The following FN1 variants were observed in gnomAD, a reference collection of about 807,000 sequenced individuals.
FN1 encodes the protein fibronectin 1, also known as fibronectin.
A neutral mutation model predicts 297.3 loss-of-function variants in FN1; 106 were observed. The ratio of observed to expected loss-of-function variants is 0.36; its 90% CI spans 0.30 to 0.42. FN1 has a LOEUF of 0.42. Among genes scored for constraint, FN1 ranks in the 10% least tolerant of loss-of-function variants. The pLI is 1.00. For synonymous variants in FN1, 1,149 were observed against 1,152.6 expected, an observed-to-expected ratio of 1.00 and a Z score of 0.06; for missense variants, 2,690 against 3,124.9, an observed-to-expected ratio of 0.86 and a Z score of 3.32.
Position 215,372,199 on chromosome 2 carries a change from T to C in FN1, c.6424A>G (p.Ile2142Val). 1 of 1,614,176 alleles carries C rather than the reference T, an allele frequency of 6.2e-7. No homozygotes were observed. The highest frequency in any genetic ancestry group is 1.1e-5 in the South Asian group (1 of 91,076). ...GQQPSVGQQM[I>V]FEEHGFRRTT... ...CGCCTAAAACCATGTTCCTCAAAGA[T>C]CATTTGTTGCCCAACACTGGGTTGC... Residue 2142 changes from isoleucine (I) to valine (V), a missense_variant, in exon 40 of 46, where the codon ATC (isoleucine) becomes GTC (valine). This residue lies in a region of FN1 where 1,743 missense variants were observed against 1,945.2 expected (regional missense o/e 0.90). Transcript: ENST00000354785.
chr2:215,411,603 AT>A (rs1559518798), intron 13 of FN1, among the ~76,000 whole-genome samples: 3 of 152,012 alleles, frequency 2.0e-5, no homozygotes, highest in Admixed American at 1.3e-4. Context: ...AATTTTTGTA[AT>A]TGTTAAAAAT....
Position 215,388,271 on chromosome 2 carries a change from C to A in FN1, c.4283G>T (p.Ser1428Ile). 1 of 1,613,956 alleles carries A rather than the reference C, an allele frequency of 6.2e-7. No individual in the cohort carries two copies. ...ATGTTGTTCGTAGACACTGGAGACA[C>A]TCACTACATATTCTGTACCAGGCAG... The part of the protein sequence containing the change: ...NLLPGTEYVV[S>I]VSSVYEQHES... Residue 1428 changes from serine to isoleucine, a missense_variant, in exon 27 of 46, where the codon AGT becomes ATT. Physicochemically the swap from Ser to Ile is moderately radical, Grantham distance 142 (BLOSUM62 -2). Transcript: ENST00000354785.
At position 215,435,992 on chromosome 2, in the gene FN1, T is replaced by C. The variant is rs1390128403; in HGVS notation, c.-190A>G. ...AAGGGATGCAGAGGACCAGAGAAGT[T>C]GTGGCTGCAGGTCCCCTCTTCCCGC... is the stretch of plus-strand genomic sequence containing the variant. On this transcript the variant is annotated 5_prime_UTR_variant, in exon 1 of 46. Coordinates refer to ENST00000354785, the MANE Select transcript of FN1 (RefSeq NM_212482.4). The C allele has an allele frequency of 7.7e-7, 1 of 1,297,726 alleles. No homozygotes were observed. Among genetic ancestry groups the C allele is most frequent in the African/African-American group, 1.5e-5 (1 of 67,070 alleles). The allele number at this position is 1,297,726 out of a possible 1,614,324, so 80.4% of individuals were successfully genotyped here. A position where few individuals can be genotyped will look rare whatever the true frequency, so the allele number is the denominator to read the frequency against.
intron 31 of FN1, among the ~76,000 whole-genome samples, chr2:215,382,558 A>G (rs1262490510): frequency 6.6e-6 from 1 of 152,236 alleles, no homozygotes; most frequent in Non-Finnish European, 1.5e-5. Context: ...CTAAAACTTA[A>G]TATGATGCCC....
rs540574820 is a variant in FN1 at position 215,381,463 on chromosome 2, G to A, written c.5165-383C>T. ...TGATTTGCAATGTCAGATTCAAATTGTTATAATTGTTTTGTTTTGTTTTTT... is the reference window on the plus strand; with the variant it reads ...TGATTTGCAATGTCAGATTCAAATTATTATAATTGTTTTGTTTTGTTTTTT... On this transcript the variant is annotated intron_variant, in intron 32 of 45. Transcript: ENST00000354785. 13 of 318,136 alleles carry A rather than the reference G, an allele frequency of 4.1e-5. No homozygotes were observed. In the East Asian group the frequency reaches 1.1e-3, roughly 28 times the overall value. The allele number at this position is 318,136 out of a possible 1,614,324, so 19.7% of individuals were successfully genotyped here. A position where few individuals can be genotyped will look rare whatever the true frequency, so the allele number is the denominator to read the frequency against.
intron 32 of FN1, 53 bp downstream of exon 32, chr2:215,382,159 A>G: frequency 1.7e-6 from 2 of 1,147,678 alleles, no homozygotes; most frequent in Admixed American, 1.7e-5. Context: ...GCATTCAGAC[A>G]CCCAAGAACA....
At chr2:215,431,593 A>G (rs901645025) in intron 4 of FN1, among the ~76,000 whole-genome samples, 6 of 152,234 alleles carry the variant, frequency 3.9e-5, no homozygotes, top group Non-Finnish European at 7.3e-5. Flanking sequence ...TAAATCTTTC[A>G]ATTCTACCTT....
intron 38 of FN1, 40 bp from the exon 39 acceptor site, chr2:215,373,451 T>TCA (rs1321927671): frequency 6.5e-7 from 1 of 1,537,664 alleles, no homozygotes; most frequent in African/African-American, 1.4e-5. Context: ...GTCAATGGGC[T>TCA]CAGCTAGTCA....
In FN1 at chr2:215,382,262, G is replaced by C; in HGVS notation, c.5114C>G (p.Ala1705Gly). The C allele has an allele frequency of 6.2e-7, 1 of 1,613,970 alleles. No homozygotes were observed. Among genetic ancestry groups the C allele is most frequent in the Non-Finnish European group, 8.5e-7 (1 of 1,179,848 alleles). Residue 1705 changes from alanine to glycine, a missense_variant, in exon 32 of 46, where the codon GCT (alanine) becomes GGT (glycine). Ala to Gly is a moderately conservative substitution (Grantham distance 60). This residue lies in a region of FN1 where 1,743 missense variants were observed against 1,945.2 expected (regional missense o/e 0.90). Transcript: ENST00000354785. ...CTGACTCTCTCCGCTTGGATTCTGA[G>C]CATAGACACTAACCACATACTCCAC... Reference protein sequence around the residue: ...PTVEYVVSVYAQNPSGESQPL... With the variant: ...PTVEYVVSVYGQNPSGESQPL...
chr2:215,408,094 G>A lies in FN1; in HGVS notation c.2518+14C>T. The A allele has an allele frequency of 6.2e-7, 1 of 1,605,394 alleles. No individual in the cohort carries two copies. The highest frequency in any genetic ancestry group is 8.5e-7 in the Non-Finnish European group (1 of 1,172,132). On this transcript the variant is annotated intron_variant, in intron 17 of 45. Transcript: ENST00000354785. ...GATTAACATAGCAGCCAAAGAGGGG[G>A]ACGCTTAGCTGACCTGTGATGGGAG...
chr2:215,418,443 A>C (rs532969458), intron 12 of FN1, among the ~76,000 whole-genome samples: 1 of 152,282 alleles, frequency 6.6e-6, no homozygotes, highest in South Asian at 2.1e-4. Context: ...GACACCCTGA[A>C]ACTCTTTTGT....
At chr2:215,416,909 G>A (rs992201942) in intron 12 of FN1, among the ~76,000 whole-genome samples, 3 of 152,162 alleles carry the variant, frequency 2.0e-5, no homozygotes, top group Non-Finnish European at 4.4e-5. Flanking sequence ...GCACTGGTGT[G>A]AAATTCCACG....
At chr2:215,420,997 T>G in intron 10 of FN1, 196 bp from the exon 11 acceptor site, 1 of 581,608 alleles carries the variant, frequency 1.7e-6, no homozygotes, top group East Asian at 3.1e-5. Context: ...AAAAAAATTT[T>G]TTTCTTCCCA....
At chr2:215,410,264 T>G (rs2062407344) in intron 13 of FN1, 150 bp from the exon 14 acceptor site, 1 of 758,286 alleles carries the variant, frequency 1.3e-6, no homozygotes, top group African/African-American at 1.7e-5. Context: ...AAAACTGGAT[T>G]CCCAATGGTT....
intron 35 of FN1, among the ~76,000 whole-genome samples, chr2:215,377,731 G>A (rs548817649): frequency 6.7e-6 from 1 of 150,210 alleles, no homozygotes; most frequent in Non-Finnish European, 1.5e-5. Flanking sequence ...AGCCAGTGGG[G>A]TCTCCCCAAG....
rs1431762109 is a variant in FN1, at chr2:215,407,197, A to G, written c.2643T>C (p.Tyr881=). The G allele has an allele frequency of 6.2e-7, 1 of 1,614,082 alleles. No individual in the cohort carries two copies. The highest frequency in any genetic ancestry group is 1.1e-5 in the South Asian group (1 of 91,082). ...TACTTTCTTGATTTTCTTCCACAGC[A>G]TAGATAGTGATGTTATACTGAACAC... ...QPGVQYNITI[Y]AVEENQESTP... Residue 881 remains tyrosine (Y), a synonymous_variant, in exon 18 of 46, where the codon TAT becomes TAC. Coordinates refer to ENST00000354785, the MANE Select transcript of FN1 (RefSeq NM_212482.4).
At chr2:215,378,358 TA>T in intron 34 of FN1, 96 bp from the exon 35 acceptor site, 1 of 734,404 alleles carries the variant, frequency 1.4e-6, no homozygotes, top group East Asian at 2.6e-5. Flanking sequence ...GGTTAGAAAA[TA>T]AAAAATAAAC....
chr2:215,415,830 T>C (rs2063360455), intron 12 of FN1, among the ~76,000 whole-genome samples: 1 of 152,098 alleles, frequency 6.6e-6, no homozygotes, highest in Non-Finnish European at 1.5e-5. Flanking sequence ...AAGATAATAA[T>C]GAAATAGCTA....
intron 36 of FN1, 148 bp from the exon 37 acceptor site, chr2:215,375,866 C>A: frequency 1.5e-6 from 1 of 686,528 alleles, no homozygotes; most frequent in Non-Finnish European, 2.7e-6. Flanking sequence ...TAAAGTAGAG[C>A]ATGCTATGGA....
Sources: allele counts gnomAD v4.1 joint callset (sites outside exome capture counted in the v4.1 genomes callset), GRCh38; gene constraint gnomAD v4.1.1; regional missense constraint gnomAD v4.1.1; transcripts MANE v1.5; gene names NCBI Gene and HGNC (gene_info 2026-07-23, HGNC 2026-07-21).